Variants in XDH observed in about 807,000 individuals in gnomAD.
The protein encoded by XDH is xanthine dehydrogenase/oxidase.
Under a neutral mutation model 156.1 loss-of-function variants are expected in XDH, and 138 were observed. That is an observed-to-expected ratio of 0.88 (90% confidence interval 0.77 to 1.02). The LOEUF (loss-of-function observed/expected upper bound fraction) is 1.02, where lower values mean the gene tolerates loss of function less well. XDH is among the 50% of genes least tolerant of loss of function. XDH has a pLI of 0.00. For missense variants in XDH, 1,849 were observed against 1,684.9 expected (o/e 1.10, Z -1.71); for synonymous variants, 669 against 625.7 (o/e 1.07, Z -1.03).
At position 31,349,726 on chromosome 2, in the gene XDH, G is replaced by A; in HGVS notation, c.2929C>T (p.Gln977Ter). ...RCWEECLASSQYHARKSEVDK... is the reference protein window; with the variant it reads ...RCWEECLASS ...ACCTCACTCTTCCGAGCATGATACT[G>A]AGAGCTTGCTAGGCATTCTTCCCAG... Residue 977 changes from glutamine to a stop codon, truncating the protein, a stop_gained, in exon 26 of 36, where the codon CAG (glutamine) becomes TAG (stop). Coordinates refer to ENST00000379416, the MANE Select transcript of XDH (RefSeq NM_000379.4). LOFTEE classifies it high-confidence loss of function. The A allele has an allele frequency of 6.2e-7, 1 of 1,614,206 alleles. No homozygotes were observed. Among genetic ancestry groups the A allele is most frequent in the Non-Finnish European group, 8.5e-7 (1 of 1,180,038 alleles).
intron 1 of XDH, among the ~76,000 whole-genome samples, chr2:31,407,345 G>A (rs1424873667): frequency 6.6e-6 from 1 of 152,190 alleles, no homozygotes; most frequent in African/African-American, 2.4e-5. Context: ...GCTTGGTAGA[G>A]CAGAGGATGT....
intron 11 of XDH, among the ~76,000 whole-genome samples, chr2:31,382,223 A>G (rs1443247204): frequency 6.6e-6 from 1 of 152,176 alleles, no homozygotes; most frequent in Non-Finnish European, 1.5e-5. Context: ...CACGATGAAA[A>G]TACAATTCTT....
intron 2 of XDH, among the ~76,000 whole-genome samples, chr2:31,405,456 G>A (rs1262951472): frequency 6.6e-6 from 1 of 152,058 alleles, no homozygotes. Flanking sequence ...TACCTGTATA[G>A]GATTCTTACC....
chr2:31,400,665 A>C (rs188011492), intron 4 of XDH, among the ~76,000 whole-genome samples: 1 of 152,344 alleles, frequency 6.6e-6, no homozygotes, highest in Non-Finnish European at 1.5e-5. Flanking sequence ...TGATACCATC[A>C]AGGAGAAAGC....
At chr2:31,399,915 T>C (rs560904298) in intron 4 of XDH, among the ~76,000 whole-genome samples, 2 of 152,366 alleles carry the variant, frequency 1.3e-5, no homozygotes, top group South Asian at 4.1e-4. Context: ...AATAGACTAA[T>C]ACTTGACTCC....
chr2:31,404,126 C>G (rs1687133691), intron 2 of XDH, among the ~76,000 whole-genome samples: 1 of 152,134 alleles, frequency 6.6e-6, no homozygotes, highest in Admixed American at 6.5e-5. Context: ...GTGGGCCACA[C>G]AAGATGACAC....
chr2:31,387,779 C>G, intron 8 of XDH, 32 bp downstream of exon 8: 1 of 1,554,912 alleles, frequency 6.4e-7, no homozygotes, highest in Non-Finnish European at 8.7e-7. Context: ...CAGTACAGAC[C>G]CGGCTGGATC....
chr2:31,359,200 G>T (rs1258887494), intron 24 of XDH, among the ~76,000 whole-genome samples: 1 of 151,934 alleles, frequency 6.6e-6, no homozygotes, highest in African/African-American at 2.4e-5. Flanking sequence ...AATATAAAAT[G>T]GTGTAGTCAC....
chr2:31,397,643 C>A, intron 6 of XDH, 25 bp downstream of exon 6: 12 of 1,614,128 alleles, frequency 7.4e-6, no homozygotes, highest in Non-Finnish European at 1.0e-5. Context: ...AGCAGAGACA[C>A]TGATGTTCTG....
intron 6 of XDH, among the ~76,000 whole-genome samples, chr2:31,390,816 C>T (rs1043064355): frequency 6.6e-6 from 1 of 152,180 alleles, no homozygotes; most frequent in Non-Finnish European, 1.5e-5. Flanking sequence ...GGTGAGGTAG[C>T]TGTGCAGGTC....
intron 24 of XDH, 150 bp downstream of exon 24, chr2:31,364,008 T>A: frequency 1.0e-5 from 7 of 692,270 alleles, no homozygotes. Flanking sequence ...CTATAGAGAT[T>A]AATCGAGGAT....
chr2:31,349,002 T>C (rs755237682), intron 26 of XDH, 22 bp from the exon 27 acceptor site: 2 of 1,601,936 alleles, frequency 1.2e-6, no homozygotes, highest in Non-Finnish European at 1.7e-6. Context: ...GGAATATTCT[T>C]ATAGAACCTT....
chr2:31,372,019 C>T (rs1323253169), intron 17 of XDH, among the ~76,000 whole-genome samples: 2 of 152,226 alleles, frequency 1.3e-5, no homozygotes, highest in Non-Finnish European at 2.9e-5. Flanking sequence ...GTAACATACC[C>T]TGCTTGTGCC....
intron 11 of XDH, 91 bp downstream of exon 11, chr2:31,382,910 C>T (rs949771837): frequency 5.1e-6 from 8 of 1,582,498 alleles, no homozygotes; most frequent in Non-Finnish European, 6.9e-6. Flanking sequence ...AGTTTGAGGC[C>T]CACTGCACTG....
chr2:31,377,250 AG>A lies in XDH; in HGVS notation c.1243-14del, dbSNP rs1686270154. 6.2e-7 allele frequency: 1 copy of A among 1,613,776 alleles called. No homozygotes were observed. The highest frequency in any genetic ancestry group is 1.3e-5 in the African/African-American group (1 of 74,914). On this transcript the variant is annotated splice_polypyrimidine_tract_variant and intron_variant, in intron 13 of 35. Coordinates refer to ENST00000379416, the MANE Select transcript of XDH (RefSeq NM_000379.4). ...AGAAATACTCCCCCTAAAAGAGATC[AG>A]GAAGGTGCCTGTTTTCCACCTTGCT... is the stretch of plus-strand genomic sequence containing the variant.
At chr2:31,345,689 G>C (rs775590430) in intron 30 of XDH, among the ~76,000 whole-genome samples, 2 of 152,082 alleles carry the variant, frequency 1.3e-5, no homozygotes, top group Non-Finnish European at 2.9e-5. Flanking sequence ...GTGCATGTGT[G>C]TGTGTGCACG....
At chr2:31,410,528 C>T (rs1468724434) in intron 1 of XDH, among the ~76,000 whole-genome samples, 1 of 152,076 alleles carries the variant, frequency 6.6e-6, no homozygotes, top group East Asian at 1.9e-4. Context: ...AGAAAAGTTA[C>T]CTTACAGTGA....
At chr2:31,379,796 T>C in intron 13 of XDH, 71 bp downstream of exon 13, 1 of 1,472,630 alleles carries the variant, frequency 6.8e-7, no homozygotes, top group Non-Finnish European at 9.5e-7. Context: ...AAGCAGATTC[T>C]GATCTCTTTG....
chr2:31,358,529 T>A (rs1026879990), intron 24 of XDH, among the ~76,000 whole-genome samples: 1 of 152,100 alleles, frequency 6.6e-6, no homozygotes, highest in Non-Finnish European at 1.5e-5. Context: ...TTTTAGCAAA[T>A]AAAATTTGGC....
Sources: gnomAD v4.1 joint callset for allele counts (sites outside exome capture counted in the v4.1 genomes callset) on GRCh38, gnomAD v4.1.1 for gene constraint, MANE v1.5 for transcripts, NCBI Gene and HGNC (gene_info 2026-07-23, HGNC 2026-07-21) for gene names.